The following SKAP2 variants were observed in gnomAD, a reference collection of about 807,000 sequenced individuals.
SKAP2 encodes the protein src kinase-associated phosphoprotein 2.
Under a neutral mutation model 54.9 loss-of-function variants are expected in SKAP2, and 28 were observed. That is an observed-to-expected ratio of 0.51 (90% CI 0.38 to 0.70). The LOEUF is 0.70. Among genes scored for constraint, SKAP2 ranks in the 30% least tolerant of loss-of-function variants. The pLI is 0.00. For missense variants in SKAP2, 356 were observed against 424.1 expected (o/e 0.84, Z 1.41); for synonymous variants, 137 against 134.3 (o/e 1.02, Z -0.14).
chr7:26,720,992 A>G (rs1378473301), intron 9 of SKAP2, among the ~76,000 whole-genome samples: 1 of 152,184 alleles, frequency 6.6e-6, no homozygotes, highest in Non-Finnish European at 1.5e-5. Flanking sequence ...ATATCACCAC[A>G]TTGATAACTT....
At chr7:26,837,902 T>C (rs1784747284) in intron 4 of SKAP2, among the ~76,000 whole-genome samples, 5 of 151,710 alleles carry the variant, frequency 3.3e-5, no homozygotes, top group Admixed American at 2.0e-4. Context: ...AGTAACTCTT[T>C]TAAGAGCAGA....
chr7:26,719,478 T>A (rs556556483), intron 9 of SKAP2, among the ~76,000 whole-genome samples: 5 of 152,174 alleles, frequency 3.3e-5, no homozygotes, highest in African/African-American at 1.2e-4. Context: ...CAGCCTTGCA[T>A]TCCCCCAGGA....
At chr7:26,799,449 TAAG>T (rs1450713630) in intron 4 of SKAP2, among the ~76,000 whole-genome samples, 1 of 151,714 alleles carries the variant, frequency 6.6e-6, no homozygotes, top group Non-Finnish European at 1.5e-5. Context: ...ACAAAAACAA[TAAG>T]AAGAGATAAA....
At chr7:26,758,371 C>G (rs888021546) in intron 4 of SKAP2, among the ~76,000 whole-genome samples, 2 of 152,118 alleles carry the variant, frequency 1.3e-5, no homozygotes, top group African/African-American at 4.8e-5. Context: ...GCCACCCATT[C>G]ATCTATAAAA....
At chr7:26,839,904 A>T (rs1404188029) in intron 4 of SKAP2, among the ~76,000 whole-genome samples, 1 of 152,076 alleles carries the variant, frequency 6.6e-6, no homozygotes, top group Non-Finnish European at 1.5e-5. Flanking sequence ...CAATCTCTCT[A>T]AAGAAATCTG....
At chr7:26,660,904 T>C in the SKAP2 span, among the ~76,000 whole-genome samples, 1 of 152,076 alleles carries the variant, frequency 6.6e-6, no homozygotes, top group African/African-American at 2.4e-5. Context: ...CATGACATCA[T>C]CCGATGTTAC....
chr7:26,769,509 T>C (rs976678684), intron 4 of SKAP2, among the ~76,000 whole-genome samples: 3 of 152,080 alleles, frequency 2.0e-5, no homozygotes, highest in African/African-American at 7.2e-5. Context: ...TGGCAAGGAG[T>C]TGTGATCCTT....
intron 1 of SKAP2, chr7:26,857,781 A>G (rs1435285473): frequency 1.4e-5 from 13 of 961,030 alleles, no homozygotes; most frequent in African/African-American, 1.8e-5. Context: ...AAAGCAAGCA[A>G]TAAGAGTCTT....
intron 4 of SKAP2, among the ~76,000 whole-genome samples, chr7:26,814,285 T>C: frequency 6.6e-6 from 1 of 152,158 alleles, no homozygotes; most frequent in East Asian, 1.9e-4. Flanking sequence ...CTCCTCCTGC[T>C]AGACAGTAGA....
intron 9 of SKAP2, among the ~76,000 whole-genome samples, chr7:26,698,450 A>G (rs1786945570): frequency 6.6e-6 from 1 of 152,238 alleles, no homozygotes; most frequent in Admixed American, 6.5e-5. Context: ...AACTGCTGAC[A>G]CCTTAGCATA....
At chr7:26,694,800 G>A (rs1184971179) in intron 9 of SKAP2, among the ~76,000 whole-genome samples, 1 of 151,988 alleles carries the variant, frequency 6.6e-6, no homozygotes, top group African/African-American at 2.4e-5. Context: ...GCTTACTGTG[G>A]GAAAAGTCAT....
intron 9 of SKAP2, among the ~76,000 whole-genome samples, chr7:26,706,272 C>T (rs1054043899): frequency 2.0e-5 from 3 of 152,046 alleles, no homozygotes; most frequent in Non-Finnish European, 1.5e-5. Context: ...CCTCCCAAAA[C>T]AAAATTTTAT....
chr7:26,706,120 G>A (rs1395922772), intron 9 of SKAP2, among the ~76,000 whole-genome samples: 1 of 151,916 alleles, frequency 6.6e-6, no homozygotes, highest in South Asian at 2.1e-4. Context: ...CTAACAAATA[G>A]ATTAACTGTC....
rs117061802 is a variant in SKAP2 at position 26,843,413 on chromosome 7, T to C, written c.307+617A>G. ...GTACATACTACACTAAAAACAAGTT[T>C]CATAACTTTGGCAACATTCAATAGC... On this transcript the variant is annotated intron_variant, in intron 4 of 12. Coordinates refer to ENST00000345317, the MANE Select transcript of SKAP2 (RefSeq NM_003930.5). Among the ~76,000 whole-genome samples the C allele has an allele frequency of 4.6e-5, 7 of 152,180 alleles. No individual in the cohort carries two copies. The East Asian group carries it at 1.3e-3, about 29-fold the overall frequency.
At chr7:26,806,685 G>C (rs1367814228) in intron 4 of SKAP2, among the ~76,000 whole-genome samples, 1 of 152,102 alleles carries the variant, frequency 6.6e-6, no homozygotes, top group Non-Finnish European at 1.5e-5. Flanking sequence ...CAAATGGTAA[G>C]AAAGCAAAAA....
rs565936594 is a variant in SKAP2, at chr7:26,680,350, A to G, written c.987+4386T>C. On this transcript the variant is annotated intron_variant, in intron 11 of 12. Transcript: ENST00000345317. ...AAAATTTCAAAAACATGGTTCTAGG[A>G]AAATACTGTTAGCTATAATATTATG... 2.0e-5 allele frequency among the ~76,000 whole-genome samples: 3 copies of G among 152,330 alleles called. No individual in the cohort carries two copies. The South Asian group carries it at 6.2e-4, about 32-fold the overall frequency.
intron 4 of SKAP2, among the ~76,000 whole-genome samples, chr7:26,771,736 ATAAC>A (rs1301939529): frequency 1.2e-4 from 19 of 152,352 alleles, no homozygotes; most frequent in Admixed American, 2.6e-4. Flanking sequence ...TTTGAAAACA[ATAAC>A]TATTGTGTAT....
At chr7:26,736,477 T>G (rs61609910) in intron 6 of SKAP2, among the ~76,000 whole-genome samples, 17,070 of 152,238 alleles carry the variant, frequency 0.11, 1,291 homozygotes, top group African/African-American at 0.21. Context: ...CCAACCCCAG[T>G]TCAGGAAAAC....
chr7:26,756,115 G>A (rs899479208), intron 4 of SKAP2, among the ~76,000 whole-genome samples: 4 of 152,150 alleles, frequency 2.6e-5, no homozygotes, highest in Non-Finnish European at 5.9e-5. Context: ...AGATGTCCAC[G>A]ATACTTGGTT....
Sources: allele counts gnomAD v4.1 joint callset (sites outside exome capture counted in the v4.1 genomes callset), GRCh38; gene constraint gnomAD v4.1.1; transcripts MANE v1.5; gene names NCBI Gene and HGNC (gene_info 2026-07-23, HGNC 2026-07-21).